ANTXR1: variants seen among roughly 807,000 people sequenced by gnomAD.
ANTXR1 encodes the protein anthrax toxin receptor 1.
Under a neutral mutation model 78.1 loss-of-function variants are expected in ANTXR1, and 19 were observed. The ratio of observed to expected loss-of-function variants is 0.24; its 90% CI spans 0.17 to 0.36. The LOEUF is 0.36. Ranked by LOEUF, ANTXR1 falls within the 10% of genes least tolerant of loss-of-function variation. The probability of loss-of-function intolerance (pLI) is 1.00; values close to 1 mark genes in which losing one functional copy is unlikely to be tolerated. For synonymous variants in ANTXR1, 273 were observed against 260.5 expected (o/e 1.05, Z -0.46); for missense variants, 518 against 718.6 (o/e 0.72, Z 3.19).
intron 12 of ANTXR1, among the ~76,000 whole-genome samples, chr2:69,141,328 A>G (rs1673063065): frequency 6.6e-6 from 1 of 152,198 alleles, no homozygotes; most frequent in Admixed American, 6.5e-5. Flanking sequence ...CACAGAACCA[A>G]TCTGGGAAGC....
chr2:69,143,396 A>G (rs1180620876), intron 12 of ANTXR1, among the ~76,000 whole-genome samples: 2 of 152,234 alleles, frequency 1.3e-5, no homozygotes, highest in African/African-American at 4.8e-5. Flanking sequence ...GCTGATAAGT[A>G]GTGCCATCAA....
chr2:69,200,352 G>C (rs995109958), intron 17 of ANTXR1, among the ~76,000 whole-genome samples: 3 of 152,206 alleles, frequency 2.0e-5, no homozygotes, highest in African/African-American at 4.8e-5. Context: ...CTCCCCAGCT[G>C]TTTCCAATAA....
At chr2:69,197,572 G>C (rs1674693845) in intron 17 of ANTXR1, among the ~76,000 whole-genome samples, 1 of 152,170 alleles carries the variant, frequency 6.6e-6, no homozygotes, top group Non-Finnish European at 1.5e-5. Flanking sequence ...AGTGAACCTA[G>C]CTTGGTAATA....
Position 69,193,195 on chromosome 2 carries a change from G to C in ANTXR1, c.1354-140G>C. The C allele has an allele frequency of 4.1e-6, 3 of 739,632 alleles. No homozygotes were observed. In the South Asian group the frequency reaches 4.2e-5, roughly 10 times the overall value. 45.8% of individuals were successfully genotyped at this position (739,632 alleles called of 1,614,324 possible). Reference sequence around the variant, plus strand: ...CAGTTTTGAATTAAGGGACTGCAGAGTCACTAATCCCATCATGACCATATT... The same window carrying C: ...CAGTTTTGAATTAAGGGACTGCAGACTCACTAATCCCATCATGACCATATT... On this transcript the variant is annotated intron_variant, in intron 16 of 17. Coordinates refer to ENST00000303714, the MANE Select transcript of ANTXR1 (RefSeq NM_032208.3).
intron 1 of ANTXR1, among the ~76,000 whole-genome samples, chr2:69,022,596 G>C (rs1245226292): frequency 6.6e-6 from 1 of 152,214 alleles, no homozygotes; most frequent in East Asian, 1.9e-4. Flanking sequence ...GAATGAATAT[G>C]CTAAACTGAG....
chr2:69,115,118 C>A (rs962064253), intron 10 of ANTXR1, among the ~76,000 whole-genome samples: 5 of 151,948 alleles, frequency 3.3e-5, no homozygotes, highest in Admixed American at 6.6e-5. Flanking sequence ...CTGGTCTCTA[C>A]CCACTAGATG....
At chr2:69,077,595 A>C in intron 8 of ANTXR1, 107 bp downstream of exon 8, 4 of 1,170,078 alleles carry the variant, frequency 3.4e-6, no homozygotes, top group Non-Finnish European at 5.1e-6. Flanking sequence ...TTTCTGCTTA[A>C]GAGAACATCA....
chr2:69,051,828 C>T (rs1669942479), intron 3 of ANTXR1, among the ~76,000 whole-genome samples: 1 of 152,014 alleles, frequency 6.6e-6, no homozygotes, highest in Non-Finnish European at 1.5e-5. Flanking sequence ...GAGTGTGCAT[C>T]TAATCAATAT....
intron 17 of ANTXR1, among the ~76,000 whole-genome samples, chr2:69,241,251 C>T (rs1278894727): frequency 6.6e-6 from 1 of 152,152 alleles, no homozygotes; most frequent in Non-Finnish European, 1.5e-5. Flanking sequence ...ATTTGCTGGC[C>T]TACATGACGG....
chr2:69,104,534 C>T (rs1008204219), intron 10 of ANTXR1, among the ~76,000 whole-genome samples: 2 of 152,306 alleles, frequency 1.3e-5, no homozygotes, highest in East Asian at 1.9e-4. Flanking sequence ...CGTGTGCCCC[C>T]AGCAGAGTTC....
At chr2:69,090,838 T>C (rs758401079) in intron 8 of ANTXR1, 21 bp from the exon 9 acceptor site, 2 of 1,612,292 alleles carry the variant, frequency 1.2e-6, no homozygotes, top group Non-Finnish European at 1.7e-6. Flanking sequence ...GCATTGACTC[T>C]TTTATTTCCG....
chr2:69,193,490 C>CACACACAT lies in ANTXR1; in HGVS notation c.1434+76_1434+77insCACACATA, dbSNP rs878889024. 1,008 of 1,225,490 alleles carry CACACACAT rather than the reference C, an allele frequency of 8.2e-4. 5 individuals carry two copies. Among genetic ancestry groups the CACACACAT allele is most frequent in the African/African-American group, 7.6e-3 (498 of 65,126 alleles). 75.9% of individuals were successfully genotyped at this position (1,225,490 alleles called of 1,614,324 possible). On this transcript the variant is annotated intron_variant, in intron 17 of 17. Transcript: ENST00000303714. ...ACACACACACACACACACACACACA[C>CACACACAT]ATATTCTTTTTCTCTCTCCATCTTT...
intron 12 of ANTXR1, among the ~76,000 whole-genome samples, chr2:69,147,225 G>A (rs1423578614): frequency 3.3e-5 from 5 of 152,238 alleles, no homozygotes; most frequent in Non-Finnish European, 7.3e-5. Context: ...ATCTTGGAAC[G>A]TGGTAAAGAT....
intron 9 of ANTXR1, among the ~76,000 whole-genome samples, chr2:69,092,110 T>C (rs1012049418): frequency 1.3e-5 from 2 of 152,242 alleles, no homozygotes; most frequent in Non-Finnish European, 2.9e-5. Flanking sequence ...ATATCACCTT[T>C]TCAGCCTGCC....
chr2:69,022,068 A>G (rs1228459910), intron 1 of ANTXR1, among the ~76,000 whole-genome samples: 1 of 152,224 alleles, frequency 6.6e-6, no homozygotes, highest in Admixed American at 6.5e-5. Context: ...TAAGTATTAC[A>G]TGAATATATT....
Position 69,248,576 on chromosome 2 carries a change from G to T in ANTXR1, c.*3091G>T, listed in dbSNP as rs1326998175. 6.6e-6 allele frequency: 1 copy of T among 152,494 alleles called. No homozygotes were observed. The highest frequency in any genetic ancestry group is 1.5e-5 in the Non-Finnish European group (1 of 68,044). The allele number at this position is 152,494 out of a possible 1,614,324, so 9.4% of individuals were successfully genotyped here. ...TTTACCAAAGTTGAGAACAGAGCTG[G>T]TGGATTAATTAATAGTCTTCGATAT... is the stretch of plus-strand genomic sequence containing the variant. On this transcript the variant is annotated 3_prime_UTR_variant, in exon 18 of 18. Coordinates refer to ENST00000303714, the MANE Select transcript of ANTXR1 (RefSeq NM_032208.3).
chr2:69,124,883 G>A, intron 12 of ANTXR1, among the ~76,000 whole-genome samples: 1 of 152,132 alleles, frequency 6.6e-6, no homozygotes, highest in Non-Finnish European at 1.5e-5. Flanking sequence ...CTGCTGAAGG[G>A]GAGATCTAAA....
chr2:69,098,943 G>A (rs1671517836), intron 9 of ANTXR1, among the ~76,000 whole-genome samples: 3 of 152,308 alleles, frequency 2.0e-5, no homozygotes, highest in East Asian at 3.9e-4. Context: ...CCAAGATCAC[G>A]TCACTGCACT....
chr2:69,185,958 G>A (rs1276391898), intron 16 of ANTXR1, among the ~76,000 whole-genome samples: 4 of 152,138 alleles, frequency 2.6e-5, no homozygotes, highest in Admixed American at 1.3e-4. Context: ...TACTGTAGAG[G>A]AAATGCATAC....
Sources: gnomAD v4.1 joint callset for allele counts (sites outside exome capture counted in the v4.1 genomes callset) on GRCh38, gnomAD v4.1.1 for gene constraint, MANE v1.5 for transcripts, NCBI Gene and HGNC (gene_info 2026-07-23, HGNC 2026-07-21) for gene names.